XAF1: variants seen among roughly 807,000 people sequenced by gnomAD.
The protein encoded by XAF1 is XIAP-associated factor 1.
XAF1 carries 32 observed loss-of-function variants against 32.3 expected under a neutral mutation model. That is an observed-to-expected ratio of 0.99 (90% CI 0.75 to 1.33). The LOEUF is 1.33. Among genes scored for constraint, XAF1 ranks in the 40% most tolerant of loss-of-function variants. XAF1 has a pLI of 0.00. For missense variants in XAF1, 379 were observed against 366.0 expected (o/e 1.04, Z -0.29); for synonymous variants, 120 against 125.9 (o/e 0.95, Z 0.31).
At chr17:6,764,031 C>T (rs6502975) in intron 5 of XAF1, among the ~76,000 whole-genome samples, 28,141 of 152,118 alleles carry the variant, frequency 0.18, 5,984 homozygotes, top group African/African-American at 0.52. Context: ...GGCACCTACA[C>T]ACTTATTTGA....
intron 5 of XAF1, among the ~76,000 whole-genome samples, chr17:6,768,549 T>C (rs1478997087): frequency 6.6e-6 from 1 of 152,186 alleles, no homozygotes; most frequent in Non-Finnish European, 1.5e-5. Flanking sequence ...GAACCTTGAG[T>C]AGTAAATCTT....
intron 2 of XAF1, 93 bp from the exon 3 acceptor site, chr17:6,759,569 G>T (rs1975007111): frequency 6.3e-7 from 1 of 1,590,182 alleles, no homozygotes; most frequent in African/African-American, 1.3e-5. Context: ...CCCAAACCCG[G>T]AACACTGTGA....
intron 5 of XAF1, among the ~76,000 whole-genome samples, chr17:6,762,677 G>T (rs1975312400): frequency 6.6e-6 from 1 of 152,204 alleles, no homozygotes; most frequent in African/African-American, 2.4e-5. Context: ...CTCTGTAGAG[G>T]CGCAGTTACG....
At chr17:6,768,006 A>G (rs549381647) in intron 5 of XAF1, among the ~76,000 whole-genome samples, 2 of 152,064 alleles carry the variant, frequency 1.3e-5, no homozygotes, top group South Asian at 4.1e-4. Flanking sequence ...ATGCTGCCAG[A>G]ATTTTGTTTC....
Position 6,770,816 on chromosome 17 carries a change from A to G in XAF1, c.681A>G (p.Ser227=). The change falls in exon 6 of 7, where the codon TCA becomes TCG. Residue 227 remains serine (S), a synonymous_variant. Coordinates refer to ENST00000361842, the MANE Select transcript of XAF1 (RefSeq NM_017523.5). ...INRFPLHSES[S]SKKAPRSKNK... is the part of the protein sequence containing the mutation. The stretch of plus-strand genomic sequence containing the variant: ...GATTTCCTCTTCATTCTGAAAGTTC[A>G]TCAAAGAAAGCACCAAGAAGCAAAA... 1.2e-6 allele frequency: 2 copies of G among 1,613,746 alleles called. No individual in the cohort carries two copies. Among genetic ancestry groups the G allele is most frequent in the Non-Finnish European group, 1.7e-6 (2 of 1,179,916 alleles).
chr17:6,756,198 G>T, intron 1 of XAF1, 88 bp downstream of exon 1: 1 of 1,607,506 alleles, frequency 6.2e-7, no homozygotes, highest in Non-Finnish European at 8.5e-7. Flanking sequence ...GGAGCAGAAA[G>T]TGGTTCCTGC....
chr17:6,768,143 G>A (rs1975754664), intron 5 of XAF1, among the ~76,000 whole-genome samples: 1 of 147,112 alleles, frequency 6.8e-6, no homozygotes, highest in Non-Finnish European at 1.5e-5. Flanking sequence ...TTTTTTTTGA[G>A]ACAAAAGTCT....
intron 5 of XAF1, among the ~76,000 whole-genome samples, chr17:6,767,259 A>G (rs1275058261): frequency 6.6e-6 from 1 of 152,234 alleles, no homozygotes; most frequent in Non-Finnish European, 1.5e-5. Context: ...GAAAGTTAAT[A>G]CAATAAACAT....
intron 2 of XAF1, chr17:6,759,053 G>A (rs1220367646): frequency 5.4e-6 from 4 of 746,570 alleles, no homozygotes; most frequent in African/African-American, 1.9e-5. Flanking sequence ...CTCCCTGCAG[G>A]AGAGATGGGG....
chr17:6,757,819 T>G (rs1416683187), intron 1 of XAF1, among the ~76,000 whole-genome samples: 2 of 152,040 alleles, frequency 1.3e-5, no homozygotes, highest in Non-Finnish European at 2.9e-5. Flanking sequence ...AAGCTCCCCA[T>G]GCCCCTTTGT....
Position 6,761,166 on chromosome 17 carries a change from G to T in XAF1, c.421+565G>T, listed in dbSNP as rs1322040224. Among the ~76,000 whole-genome samples, 6 of 149,800 alleles carry T rather than the reference G, an allele frequency of 4.0e-5. No individual in the cohort carries two copies. In the South Asian group the frequency reaches 1.2e-3, roughly 31 times the overall value. The stretch of plus-strand genomic sequence containing the variant: ...CAAAACTCTGTCTCAAAAAAAAAAG[G>T]GGGGGACCATGGGGAGTCCTAGGAA... On this transcript the variant is annotated intron_variant, in intron 4 of 6. Coordinates refer to ENST00000361842, the MANE Select transcript of XAF1 (RefSeq NM_017523.5).
chr17:6,769,580 C>A (rs1284603774), intron 5 of XAF1, among the ~76,000 whole-genome samples: 1 of 152,106 alleles, frequency 6.6e-6, no homozygotes, highest in Admixed American at 6.5e-5. Flanking sequence ...ACTTTTGTGT[C>A]TGTGACTCTT....
intron 2 of XAF1, chr17:6,758,498 G>A (rs1974893638): frequency 2.2e-5 from 11 of 501,982 alleles, no homozygotes; most frequent in Non-Finnish European, 3.6e-5. Flanking sequence ...TGGGGTCTGG[G>A]AGTCAAGGCG....
chr17:6,768,295 T>C (rs929021390), intron 5 of XAF1, among the ~76,000 whole-genome samples: 1 of 152,190 alleles, frequency 6.6e-6, no homozygotes, highest in Non-Finnish European at 1.5e-5. Context: ...GGCTAATTTT[T>C]GTATTTTTAG....
In XAF1 at chr17:6,760,527, G is replaced by T; in HGVS notation, c.347G>T (p.Gly116Val). 1 of 1,613,730 alleles carries T rather than the reference G, an allele frequency of 6.2e-7. No homozygotes were observed. Among genetic ancestry groups the T allele is most frequent in the East Asian group, 2.2e-5 (1 of 44,872 alleles). ...GSRTELCQGCGQFIMHRMLAQ... is the reference protein window; with the variant it reads ...GSRTELCQGCVQFIMHRMLAQ... ...CGGACAGAGCTCTGCCAAGGCTGTGGCCAGTTCATCATGCACCGCATGCTC... is the reference window on the plus strand; with the variant it reads ...CGGACAGAGCTCTGCCAAGGCTGTGTCCAGTTCATCATGCACCGCATGCTC... Residue 116 changes from glycine (G) to valine (V), a missense_variant, in exon 4 of 7, where the codon GGC (glycine) becomes GTC (valine). Gly to Val is a moderately radical substitution (Grantham distance 109, BLOSUM62 -3). Coordinates refer to ENST00000361842, the MANE Select transcript of XAF1 (RefSeq NM_017523.5).
Position 6,760,493 on chromosome 17 carries a change from T to A in XAF1, c.313T>A (p.Cys105Ser), listed in dbSNP as rs1387037509. The A allele has an allele frequency of 6.2e-7, 1 of 1,613,546 alleles. No homozygotes were observed. The highest frequency in any genetic ancestry group is 2.2e-5 in the East Asian group (1 of 44,870). ...LSKLELHESY[C>S]GSRTELCQGC... ...CAAGCTGGAGCTCCACGAGTCCTAC[T>A]GTGGCAGCCGGACAGAGCTCTGCCA... Residue 105 changes from cysteine (C) to serine (S), a missense_variant, in exon 4 of 7, where the codon TGT becomes AGT. By Grantham distance (112) the Cys-to-Ser change is moderately radical (BLOSUM62 -1). Transcript: ENST00000361842.
intron 2 of XAF1, 33 bp from the exon 3 acceptor site, chr17:6,759,629 G>GGA: frequency 1.3e-6 from 2 of 1,511,924 alleles, no homozygotes; most frequent in Admixed American, 3.6e-5. Context: ...ACCCACATCT[G>GGA]GTGTGTGTGT....
chr17:6,757,970 T>C, intron 1 of XAF1, 119 bp from the exon 2 acceptor site: 1 of 1,383,852 alleles, frequency 7.2e-7, no homozygotes, highest in African/African-American at 1.4e-5. Context: ...GGTGTCATCA[T>C]CATCACATGT....
At chr17:6,755,539 C>A (rs1974601071), upstream of XAF1, 1 of 996,404 alleles carries the variant, frequency 1.0e-6, no homozygotes, top group Admixed American at 5.3e-5. Context: ...CAGATTGGGT[C>A]TGGGCTCACA....
Sources: allele counts gnomAD v4.1 joint callset (sites outside exome capture counted in the v4.1 genomes callset), GRCh38; gene constraint gnomAD v4.1.1; transcripts MANE v1.5; gene names NCBI Gene and HGNC (gene_info 2026-07-23, HGNC 2026-07-21).